DUOX2: variants seen among roughly 807,000 people sequenced by gnomAD.
The protein encoded by DUOX2 is NADH/NADPH thyroid oxidase p138-tox.
A neutral mutation model predicts 183.3 loss-of-function variants in DUOX2; 185 were observed. The ratio of observed to expected loss-of-function variants is 1.01; its 90% confidence interval spans 0.90 to 1.14. DUOX2 has a LOEUF of 1.14. DUOX2 is among the 50% of genes most tolerant of loss of function. The pLI is 0.00. For missense variants in DUOX2, 1,999 were observed against 2,022.9 expected (o/e 0.99, Z 0.23); for synonymous variants, 788 against 812.4 (o/e 0.97, Z 0.51).
intron 25 of DUOX2, 25 bp from the exon 26 acceptor site, chr15:45,099,507 G>A: frequency 6.2e-7 from 1 of 1,609,780 alleles, no homozygotes; most frequent in Non-Finnish European, 8.5e-7. Flanking sequence ...CCCTGTTAGA[G>A]ATGCCAACCA....
intron 12 of DUOX2, 94 bp from the exon 13 acceptor site, chr15:45,108,316 G>T: frequency 6.9e-7 from 1 of 1,446,150 alleles, no homozygotes; most frequent in Non-Finnish European, 9.6e-7. Context: ...CTCAGCCGCT[G>T]CCTGGCTGCT....
At chr15:45,107,533 G>A (rs1421313462) in intron 13 of DUOX2, 70 bp from the exon 14 acceptor site, 9 of 1,526,030 alleles carry the variant, frequency 5.9e-6, no homozygotes, top group African/African-American at 1.4e-5. Flanking sequence ...CCAGGCCCAA[G>A]GACCCAGGTG....
chr15:45,111,663 G>C, intron 5 of DUOX2, 78 bp from the exon 6 acceptor site: 2 of 1,442,656 alleles, frequency 1.4e-6, no homozygotes, highest in Non-Finnish European at 1.8e-6. Context: ...GCGGGTGTCC[G>C]CGGCTGGGGA....
At position 45,111,122 on chromosome 15, in the gene DUOX2, C is replaced by T. The variant is rs1293606333; in HGVS notation, c.871G>A (p.Ala291Thr). ...CGCGGACGGCTGACCTGGTAGGTGG[C>T]GATGACCCTCTTGCGTGCGTGCTGG... is the stretch of plus-strand genomic sequence containing the variant. ...LFQHARKRVI[A>T]TYQNIAVYEW... is the part of the protein sequence containing the mutation. The change falls in exon 7 of 34, where the codon GCC (alanine) becomes ACC (threonine). Residue 291 changes from alanine to threonine, a missense_variant. Physicochemically the swap from Ala to Thr is moderately conservative, Grantham distance 58. Coordinates refer to ENST00000389039, the MANE Select transcript of DUOX2 (RefSeq NM_001363711.2). 1.6e-6 allele frequency: 2 copies of T among 1,255,836 alleles called. No homozygotes were observed. Among genetic ancestry groups the T allele is most frequent in the East Asian group, 2.5e-5 (1 of 39,852 alleles). The allele number at this position is 1,255,836 out of a possible 1,614,324, so 77.8% of individuals were successfully genotyped here.
chr15:45,111,760 C>G lies in DUOX2; in HGVS notation c.513+8G>C, dbSNP rs886051196. 1 of 1,580,946 alleles carries G rather than the reference C, an allele frequency of 6.3e-7. No homozygotes were observed. Among genetic ancestry groups the G allele is most frequent in the Non-Finnish European group, 8.6e-7 (1 of 1,164,152 alleles). On this transcript the variant is annotated splice_region_variant and intron_variant, in intron 5 of 33. Coordinates refer to ENST00000389039, the MANE Select transcript of DUOX2 (RefSeq NM_001363711.2). The stretch of plus-strand genomic sequence containing the variant: ...TGCGGTCCCTTCCCGCCGCCTTCCC[C>G]GCCTCACCAGGTCCCGGGGGTTGCT...
rs754861497 is a variant in DUOX2 at position 45,111,597 on chromosome 15, G to T, written c.514-12C>A. 8.5e-6 allele frequency: 13 copies of T among 1,527,304 alleles called. No homozygotes were observed. The East Asian group carries it at 3.1e-4, about 36-fold the overall frequency. 94.6% of individuals were successfully genotyped at this position (1,527,304 alleles called of 1,614,324 possible). On this transcript the variant is annotated splice_polypyrimidine_tract_variant and intron_variant, in intron 5 of 33. Coordinates refer to ENST00000389039, the MANE Select transcript of DUOX2 (RefSeq NM_001363711.2). The stretch of plus-strand genomic sequence containing the variant: ...GTCACCTGGTTGGCCTGCGGGGCAC[G>T]CGGCGGGTGAGCCCGGGTCGAGAGG...
intron 19 of DUOX2, 38 bp downstream of exon 19, chr15:45,104,102 T>G: frequency 6.2e-7 from 1 of 1,614,122 alleles, no homozygotes; most frequent in Non-Finnish European, 8.5e-7. Context: ...GAAAGACCCC[T>G]GGATTCTTGG....
In DUOX2 at chr15:45,106,137, C is replaced by G; in HGVS notation, c.2136G>C (p.Lys712Asn). Residue 712 changes from lysine (K) to asparagine (N), a missense_variant, in exon 17 of 34, where the codon AAG (lysine) becomes AAC (asparagine). Physicochemically the swap from Lys to Asn is moderately conservative, Grantham distance 94. Around this residue, in one of 3 missense-constraint regions of DUOX2, gnomAD observed 1,628 missense variants for 1,608.6 expected, o/e 1.01. Coordinates refer to ENST00000389039, the MANE Select transcript of DUOX2 (RefSeq NM_001363711.2). ...GCRTLLLKIP[K>N]EYDLVLLFSS... is the part of the protein sequence containing the mutation. Reference sequence around the variant, plus strand: ...GGACGAGCCATACCAGGTCATACTCCTTAGGGATCTTGAGCAGCAGGGTGC... The same window carrying G: ...GGACGAGCCATACCAGGTCATACTCGTTAGGGATCTTGAGCAGCAGGGTGC... 1.2e-6 allele frequency: 2 copies of G among 1,614,152 alleles called. No homozygotes were observed. Among genetic ancestry groups the G allele is most frequent in the Non-Finnish European group, 1.7e-6 (2 of 1,180,020 alleles).
At chr15:45,096,898 G>A (rs147581615) in intron 29 of DUOX2, among the ~76,000 whole-genome samples, 1 of 152,248 alleles carries the variant, frequency 6.6e-6, no homozygotes, top group East Asian at 1.9e-4. Flanking sequence ...GAAGGAATGG[G>A]ACAGGCATAT....
intron 15 of DUOX2, 48 bp from the exon 16 acceptor site, chr15:45,106,689 G>C (rs907937674): frequency 6.2e-7 from 1 of 1,610,170 alleles, no homozygotes; most frequent in Admixed American, 1.7e-5. Context: ...CTCACCTAGA[G>C]CTCCACTGTG....
chr15:45,106,164 G>T lies in DUOX2; in HGVS notation c.2109C>A (p.Cys703Ter), dbSNP rs767723440. 4 of 1,614,066 alleles carry T rather than the reference G, an allele frequency of 2.5e-6. No individual in the cohort carries two copies. Among genetic ancestry groups the T allele is most frequent in the Non-Finnish European group, 3.4e-6 (4 of 1,180,038 alleles). The change falls in exon 17 of 34, where the codon TGC becomes TGA. Residue 703 changes from cysteine to a stop codon, truncating the protein, a stop_gained. Coordinates refer to ENST00000389039, the MANE Select transcript of DUOX2 (RefSeq NM_001363711.2). LOFTEE classifies it high-confidence loss of function. ...VNLILSNNRGCRTLLLKIPKE... is the reference protein window; with the variant it reads ...VNLILSNNRG ...TAGGGATCTTGAGCAGCAGGGTGCGGCATCCTCGGTTGTTGGACAGGATGA... is the reference window on the plus strand; with the variant it reads ...TAGGGATCTTGAGCAGCAGGGTGCGTCATCCTCGGTTGTTGGACAGGATGA...
rs751824036 is a variant in DUOX2 at position 45,112,650 on chromosome 15, G to A, written c.229C>T (p.Gln77Ter). ...CTGAGCCGGCGCGGGTTGGGCAGCT[G>A]CGGCTCCTCCAGAGCCTGATACACA... ...DGVYQALEEP[Q>*]LPNPRRLSNA... Residue 77 changes from glutamine (Q) to a stop codon, truncating the protein, a stop_gained, in exon 4 of 34, where the codon CAG (glutamine) becomes TAG (stop). Coordinates refer to ENST00000389039, the MANE Select transcript of DUOX2 (RefSeq NM_001363711.2). LOFTEE classifies it high-confidence loss of function. 1.2e-6 allele frequency: 2 copies of A among 1,612,918 alleles called. No individual in the cohort carries two copies. The highest frequency in any genetic ancestry group is 8.5e-7 in the Non-Finnish European group (1 of 1,179,900).
At chr15:45,108,606 T>C (rs945361516) in intron 12 of DUOX2, 183 bp downstream of exon 12, 45 of 721,178 alleles carry the variant, frequency 6.2e-5, no homozygotes, top group Admixed American at 7.2e-5. Flanking sequence ...TGGAATCAGA[T>C]GGCTGAATTT....
chr15:45,107,261 C>G lies in DUOX2; in HGVS notation c.1693+84G>C, dbSNP rs947759137. 3.2e-6 allele frequency: 5 copies of G among 1,545,330 alleles called. No homozygotes were observed. In the African/African-American group the frequency reaches 5.4e-5, roughly 17 times the overall value. Reference sequence around the variant, plus strand: ...CACAGAAGGTGCCTGGCTCCCTGGACAGCACCAAGTGATTCCCCCGCACCC... The same window carrying G: ...CACAGAAGGTGCCTGGCTCCCTGGAGAGCACCAAGTGATTCCCCCGCACCC... On this transcript the variant is annotated intron_variant, in intron 14 of 33. Coordinates refer to ENST00000389039, the MANE Select transcript of DUOX2 (RefSeq NM_001363711.2).
intron 23 of DUOX2, chr15:45,100,534 C>T (rs977781180): frequency 1.6e-6 from 1 of 623,998 alleles, no homozygotes; most frequent in African/African-American, 1.8e-5. Flanking sequence ...AGACCCCTTA[C>T]TATCATCCTG....
At chr15:45,100,343 G>T (rs1894048402) in intron 23 of DUOX2, 115 bp from the exon 24 acceptor site, 8 of 1,033,756 alleles carry the variant, frequency 7.7e-6, no homozygotes, top group Non-Finnish European at 9.7e-6. Flanking sequence ...GGCCACAACA[G>T]ATGAATGGAA....
intron 10 of DUOX2, 83 bp from the exon 11 acceptor site, chr15:45,109,709 C>T (rs1317278601): frequency 6.8e-7 from 1 of 1,462,620 alleles, no homozygotes; most frequent in Non-Finnish European, 9.6e-7. Flanking sequence ...TACCCCAGGA[C>T]AAAGGGCCCT....
Position 45,098,054 on chromosome 15 carries a change from T to C in DUOX2, c.3520A>G (p.Lys1174Glu). 6.2e-7 allele frequency: 1 copy of C among 1,614,036 alleles called. No homozygotes were observed. The highest frequency in any genetic ancestry group is 1.1e-5 in the South Asian group (1 of 91,074). The change falls in exon 27 of 34, where the codon AAG becomes GAG. Residue 1174 changes from lysine to glutamate, a missense_variant. By Grantham distance (56) the Lys-to-Glu change is moderately conservative (BLOSUM62 1). Around this residue, in one of 3 missense-constraint regions of DUOX2, gnomAD observed 1,628 missense variants for 1,608.6 expected, o/e 1.01. Transcript: ENST00000389039. ...CACCAATAGAACTTCTGGGGAAGCTTGGACCTGGGGGGCAAAGGCACCTTG... is the reference window on the plus strand; with the variant it reads ...CACCAATAGAACTTCTGGGGAAGCTCGGACCTGGGGGGCAAAGGCACCTTG... ...FPNVFVNDGS[K>E]LPQKFYWWFF... is the part of the protein sequence containing the mutation.
rs953596695 is a variant in DUOX2 at position 45,098,114 on chromosome 15, G to A, written c.3516-56C>T. 2.8e-5 allele frequency: 43 copies of A among 1,512,400 alleles called. No homozygotes were observed. In the African/African-American group the frequency reaches 4.8e-4, roughly 17 times the overall value. The allele number at this position is 1,512,400 out of a possible 1,614,324, so 93.7% of individuals were successfully genotyped here. Reference sequence around the variant, plus strand: ...CTGGGGCAGGAGGGGCTCCAGCACTGTCACAACACAGCATGACTCCTTTCC... The same window carrying A: ...CTGGGGCAGGAGGGGCTCCAGCACTATCACAACACAGCATGACTCCTTTCC... On this transcript the variant is annotated intron_variant, in intron 26 of 33. Coordinates refer to ENST00000389039, the MANE Select transcript of DUOX2 (RefSeq NM_001363711.2).
Sources: allele counts gnomAD v4.1 joint callset (sites outside exome capture counted in the v4.1 genomes callset), GRCh38; gene constraint gnomAD v4.1.1; regional missense constraint gnomAD v4.1.1; transcripts MANE v1.5; gene names NCBI Gene and HGNC (gene_info 2026-07-23, HGNC 2026-07-21).